Variants in MTMR7 observed in about 807,000 individuals in gnomAD.
MTMR7 encodes the protein phosphatidylinositol-3-phosphate phosphatase MTMR7.
MTMR7 carries 76 observed loss-of-function variants against 81.2 expected under a neutral mutation model. The observed-to-expected ratio is 0.94, with a 90% CI of 0.78 to 1.13. The LOEUF is 1.13. Among genes scored for constraint, MTMR7 ranks in the 50% most tolerant of loss-of-function variants. The pLI, the probability that MTMR7 is intolerant of heterozygous loss-of-function variation, is 0.00. For synonymous variants in MTMR7, 372 were observed against 289.8 expected, an observed-to-expected ratio of 1.28 and a Z score of -2.88; for missense variants, 1,044 against 820.0, an observed-to-expected ratio of 1.27 and a Z score of -3.34.
At chr8:17,316,063 C>T (rs1455444371) in intron 7 of MTMR7, among the ~76,000 whole-genome samples, 1 of 152,158 alleles carries the variant, frequency 6.6e-6, no homozygotes, top group Non-Finnish European at 1.5e-5. Context: ...TGTCATCCTG[C>T]TTCTTTCCTA....
intron 1 of MTMR7, among the ~76,000 whole-genome samples, chr8:17,396,507 T>C (rs886902823): frequency 5.3e-5 from 8 of 152,086 alleles, no homozygotes; most frequent in Non-Finnish European, 8.8e-5. Flanking sequence ...AAAGCAAAGA[T>C]GTGTTGGGCT....
intron 13 of MTMR7, among the ~76,000 whole-genome samples, chr8:17,300,743 A>T (rs1817057045): frequency 1.3e-5 from 2 of 152,124 alleles, no homozygotes; most frequent in Admixed American, 1.3e-4. Flanking sequence ...CCGAAAGAAA[A>T]CCCCATACTC....
At chr8:17,325,623 C>T (rs576950009) in intron 7 of MTMR7, among the ~76,000 whole-genome samples, 1 of 152,340 alleles carries the variant, frequency 6.6e-6, no homozygotes, top group East Asian at 1.9e-4. Flanking sequence ...GGGCTCACTT[C>T]CCCTGCTCCA....
intron 1 of MTMR7, among the ~76,000 whole-genome samples, chr8:17,411,114 A>C (rs1251867181): frequency 6.6e-6 from 1 of 152,218 alleles, no homozygotes; most frequent in Non-Finnish European, 1.5e-5. Flanking sequence ...GTGAAAATTA[A>C]TTTTGCCCTT....
At chr8:17,342,762 G>A (rs1261566607) in intron 5 of MTMR7, among the ~76,000 whole-genome samples, 2 of 152,130 alleles carry the variant, frequency 1.3e-5, no homozygotes, top group Non-Finnish European at 2.9e-5. Context: ...GCCAGATTGA[G>A]AATCCAGGGG....
At chr8:17,310,038 C>T (rs1198123126) in intron 9 of MTMR7, among the ~76,000 whole-genome samples, 1 of 152,090 alleles carries the variant, frequency 6.6e-6, no homozygotes, top group Admixed American at 6.6e-5. Flanking sequence ...TCTCACTCAG[C>T]CACGTAGGCT....
intron 2 of MTMR7, among the ~76,000 whole-genome samples, chr8:17,372,818 A>G (rs1208736932): frequency 6.6e-6 from 1 of 152,264 alleles, no homozygotes; most frequent in East Asian, 1.9e-4. Context: ...ACAATGCTGA[A>G]TCTGGCCTAC....
chr8:17,305,718 TAAA>T (rs1817404934), intron 11 of MTMR7, 36 bp downstream of exon 11: 10 of 1,534,558 alleles, frequency 6.5e-6, no homozygotes, highest in East Asian at 2.3e-5. Flanking sequence ...TCAAAATCTT[TAAA>T]TAAAAGTTAA....
Position 17,300,168 on chromosome 8 carries a change from T to A in MTMR7, c.1677A>T (p.Gln559His), listed in dbSNP as rs3764796. ...ACCCTGAGTGCTTGCTGGGCTCACTTTGCTTACTCTTCACCTTAGTGCAAT... is the reference window on the plus strand; with the variant it reads ...ACCCTGAGTGCTTGCTGGGCTCACTATGCTTACTCTTCACCTTAGTGCAAT... ...QLNCTKVKSK[Q>H]SEPSKHSGFS... Residue 559 changes from glutamine to histidine, a missense_variant, in exon 14 of 14, where the codon CAA becomes CAT. Gln to His is a conservative substitution (Grantham distance 24). Coordinates refer to ENST00000180173, the MANE Select transcript of MTMR7 (RefSeq NM_004686.5). 2.5e-6 allele frequency: 4 copies of A among 1,614,090 alleles called. No homozygotes were observed. The highest frequency in any genetic ancestry group is 2.5e-6 in the Non-Finnish European group (3 of 1,179,976).
chr8:17,309,437 G>A (rs1347473800), intron 9 of MTMR7, 111 bp from the exon 10 acceptor site: 9 of 748,366 alleles, frequency 1.2e-5, no homozygotes, highest in Admixed American at 9.5e-5. Flanking sequence ...CCCCATCCTC[G>A]AGTAACCTGC....
chr8:17,372,752 G>A (rs971072247), intron 2 of MTMR7, among the ~76,000 whole-genome samples: 5 of 151,962 alleles, frequency 3.3e-5, no homozygotes, highest in African/African-American at 1.2e-4. Context: ...TGACCAAATG[G>A]CTGCATTACA....
chr8:17,319,667 A>G (rs766417363), intron 7 of MTMR7, among the ~76,000 whole-genome samples: 10 of 152,202 alleles, frequency 6.6e-5, no homozygotes, highest in Non-Finnish European at 7.3e-5. Context: ...GAAGGCACTT[A>G]TTATTCTCAT....
rs754264458 is a variant in MTMR7 at position 17,305,973 on chromosome 8, T to C, written c.1152-16A>G. The C allele has an allele frequency of 1.3e-6, 2 of 1,584,862 alleles. No homozygotes were observed. The highest frequency in any genetic ancestry group is 1.7e-5 in the Admixed American group (1 of 57,294). On this transcript the variant is annotated splice_polypyrimidine_tract_variant and intron_variant, in intron 10 of 13. Coordinates refer to ENST00000180173, the MANE Select transcript of MTMR7 (RefSeq NM_004686.5). The stretch of plus-strand genomic sequence containing the variant: ...ATTGCCATATCTATAAAACAAAGCA[T>C]TAGAGACTTTTTAAGGCAGATTTAT...
chr8:17,393,205 C>T (rs187233563), intron 1 of MTMR7, among the ~76,000 whole-genome samples: 6 of 152,192 alleles, frequency 3.9e-5, no homozygotes, highest in Non-Finnish European at 7.4e-5. Context: ...AATGCTGCTG[C>T]GACAACTGGA....
intron 1 of MTMR7, among the ~76,000 whole-genome samples, chr8:17,374,738 T>G (rs979419305): frequency 7.9e-5 from 12 of 151,778 alleles, no homozygotes; most frequent in African/African-American, 2.9e-4. Context: ...ACTTGAACCC[T>G]GGAGGCAGAG....
Position 17,299,698 on chromosome 8 carries a change from T to G in MTMR7, c.*164A>C. 1.2e-6 allele frequency: 1 copy of G among 856,322 alleles called. No homozygotes were observed. Among genetic ancestry groups the G allele is most frequent in the Non-Finnish European group, 1.8e-6 (1 of 561,258 alleles). 53.0% of individuals were successfully genotyped at this position (856,322 alleles called of 1,614,324 possible). Reference sequence around the variant, plus strand: ...TGAAATGACTACGTCCTCTTCAGTATCTAAGAAATCAAGAACTGGGCACTT... The same window carrying G: ...TGAAATGACTACGTCCTCTTCAGTAGCTAAGAAATCAAGAACTGGGCACTT... On this transcript the variant is annotated 3_prime_UTR_variant, in exon 14 of 14. Coordinates refer to ENST00000180173, the MANE Select transcript of MTMR7 (RefSeq NM_004686.5).
chr8:17,405,642 G>C (rs1206597197), intron 1 of MTMR7, among the ~76,000 whole-genome samples: 2 of 151,964 alleles, frequency 1.3e-5, no homozygotes, highest in Admixed American at 1.3e-4. Flanking sequence ...AATCATCCTT[G>C]AAAAGATAGT....
chr8:17,313,568 T>C (rs1436328816), intron 7 of MTMR7, among the ~76,000 whole-genome samples, 167 bp from the exon 8 acceptor site: 1 of 152,252 alleles, frequency 6.6e-6, no homozygotes, highest in Non-Finnish European at 1.5e-5. Context: ...CTTGATTCTA[T>C]GGAACCATTT....
chr8:17,406,466 C>T (rs943735861), intron 1 of MTMR7, among the ~76,000 whole-genome samples: 1 of 152,058 alleles, frequency 6.6e-6, no homozygotes, highest in Non-Finnish European at 1.5e-5. Context: ...ACCTGAATGG[C>T]TAAAATAAAA....
Sources: gnomAD v4.1 joint callset for allele counts (sites outside exome capture counted in the v4.1 genomes callset) on GRCh38, gnomAD v4.1.1 for gene constraint, MANE v1.5 for transcripts, NCBI Gene and HGNC (gene_info 2026-07-23, HGNC 2026-07-21) for gene names.